Variants in ERC2 observed in about 807,000 individuals in gnomAD.
The protein encoded by ERC2 is ERC protein 2.
ERC2 carries 42 observed loss-of-function variants against 114.8 expected under a neutral mutation model. The ratio of observed to expected loss-of-function variants is 0.37; its 90% CI spans 0.29 to 0.47. The LOEUF is 0.47. ERC2 is among the 20% of genes least tolerant of loss of function. The pLI, the probability that ERC2 is intolerant of heterozygous loss-of-function variation, is 0.99. For missense variants in ERC2, 939 were observed against 1,150.7 expected, an observed-to-expected ratio of 0.82 and a Z score of 2.66; for synonymous variants, 454 against 425.5, an observed-to-expected ratio of 1.07 and a Z score of -0.82.
chr3:55,833,385 A>T (rs1178314070), intron 14 of ERC2, among the ~76,000 whole-genome samples: 2 of 151,264 alleles, frequency 1.3e-5, no homozygotes, highest in Non-Finnish European at 2.9e-5. Flanking sequence ...CACAAAGGGA[A>T]TCCCATCAGA....
intron 3 of ERC2, among the ~76,000 whole-genome samples, chr3:56,255,051 TCCATC>T (rs1199977726): frequency 6.6e-6 from 1 of 152,250 alleles, no homozygotes; most frequent in Non-Finnish European, 1.5e-5. Flanking sequence ...AATTCTTATT[TCCATC>T]CCCTAGTGGA....
At chr3:55,905,201 C>T (rs1483845743) in intron 13 of ERC2, among the ~76,000 whole-genome samples, 2 of 152,182 alleles carry the variant, frequency 1.3e-5, no homozygotes, top group East Asian at 3.9e-4. Context: ...CTGCCTCAGC[C>T]TCCTGAGTAG....
intron 17 of ERC2, among the ~76,000 whole-genome samples, chr3:55,651,653 C>T (rs1460395734): frequency 6.6e-6 from 1 of 152,206 alleles, no homozygotes; most frequent in Non-Finnish European, 1.5e-5. Context: ...CTCAGTCTTT[C>T]ATATTCTCCC....
intron 13 of ERC2, among the ~76,000 whole-genome samples, chr3:55,901,434 G>C (rs934517365): frequency 6.6e-6 from 1 of 152,138 alleles, no homozygotes; most frequent in Admixed American, 6.6e-5. Context: ...GGAGTTGAAA[G>C]ATTATTCAAT....
intron 2 of ERC2, among the ~76,000 whole-genome samples, chr3:56,354,469 T>G (rs936953149): frequency 6.6e-6 from 1 of 152,126 alleles, no homozygotes; most frequent in African/African-American, 2.4e-5. Flanking sequence ...ATCTAGTAGG[T>G]AGAGGCCAGG....
At chr3:55,828,979 A>C (rs1343155117) in intron 14 of ERC2, among the ~76,000 whole-genome samples, 2 of 152,050 alleles carry the variant, frequency 1.3e-5, no homozygotes. Flanking sequence ...CTCTATAAAA[A>C]AATTAGCTGA....
At chr3:56,116,671 C>T (rs2079256667) in intron 6 of ERC2, among the ~76,000 whole-genome samples, 1 of 152,174 alleles carries the variant, frequency 6.6e-6, no homozygotes. Context: ...CATGCTGTGC[C>T]CTCAACCTGG....
intron 14 of ERC2, among the ~76,000 whole-genome samples, chr3:55,821,952 A>T (rs1380585647): frequency 1.3e-5 from 2 of 152,334 alleles, no homozygotes; most frequent in Middle Eastern, 3.4e-3. Flanking sequence ...TGTTCATGCT[A>T]TGCTCCCAGC....
chr3:55,819,337 G>A (rs1358701001), intron 14 of ERC2, among the ~76,000 whole-genome samples: 2 of 152,296 alleles, frequency 1.3e-5, no homozygotes, highest in Non-Finnish European at 1.5e-5. Context: ...TTGATTAGCA[G>A]CCACTGAATT....
At chr3:55,884,663 T>C (rs762974369) in intron 14 of ERC2, among the ~76,000 whole-genome samples, 1 of 152,048 alleles carries the variant, frequency 6.6e-6, no homozygotes, top group Non-Finnish European at 1.5e-5. Context: ...TGGCCTGCCA[T>C]GGGAATGGTA....
chr3:55,843,682 A>G (rs2061232144), intron 14 of ERC2, among the ~76,000 whole-genome samples: 1 of 152,244 alleles, frequency 6.6e-6, no homozygotes, highest in Non-Finnish European at 1.5e-5. Context: ...GGACTTTCCA[A>G]TGCTGAAAAG....
chr3:55,988,269 ACT>A (rs2070786927), intron 11 of ERC2, among the ~76,000 whole-genome samples: 1 of 151,990 alleles, frequency 6.6e-6, no homozygotes, highest in Non-Finnish European at 1.5e-5. Flanking sequence ...ATTTGGACCA[ACT>A]CTCAGAGACT....
chr3:56,161,754 C>T (rs541862393), intron 4 of ERC2, among the ~76,000 whole-genome samples: 149 of 152,210 alleles, frequency 9.8e-4, no homozygotes, highest in Non-Finnish European at 1.9e-3. Context: ...ATTTTGTATC[C>T]TGAAACTTTA....
chr3:55,655,739 A>C (rs2060830397), intron 17 of ERC2, among the ~76,000 whole-genome samples: 1 of 152,118 alleles, frequency 6.6e-6, no homozygotes, highest in Non-Finnish European at 1.5e-5. Flanking sequence ...TGTATGGAAC[A>C]CTCAGGCCTA....
intron 14 of ERC2, among the ~76,000 whole-genome samples, chr3:55,785,544 C>T (rs1336141279): frequency 6.6e-6 from 1 of 152,208 alleles, no homozygotes; most frequent in Non-Finnish European, 1.5e-5. Context: ...CTGCATTCCT[C>T]AACCTCAACT....
intron 2 of ERC2, among the ~76,000 whole-genome samples, chr3:56,399,520 A>T (rs2060441839): frequency 6.6e-6 from 1 of 152,224 alleles, no homozygotes; most frequent in Non-Finnish European, 1.5e-5. Context: ...TTAAAAAATT[A>T]AAACTTCACT....
At chr3:56,187,873 T>C (rs559955030) in intron 3 of ERC2, among the ~76,000 whole-genome samples, 73 of 152,236 alleles carry the variant, frequency 4.8e-4, no homozygotes, top group African/African-American at 1.7e-3. Context: ...TAAGACATTG[T>C]ATCTTCCCCT....
intron 13 of ERC2, among the ~76,000 whole-genome samples, chr3:55,905,111 C>T (rs1167296324): frequency 1.3e-5 from 2 of 152,192 alleles, no homozygotes; most frequent in African/African-American, 4.8e-5. Flanking sequence ...GACAGAGTCT[C>T]ACTCTGTTGC....
chr3:56,156,481 G>A (rs921299413), intron 4 of ERC2, among the ~76,000 whole-genome samples: 1 of 152,120 alleles, frequency 6.6e-6, no homozygotes, highest in Non-Finnish European at 1.5e-5. Flanking sequence ...AACCAGGTCT[G>A]GGAAGTCACT....
Sources: allele counts gnomAD v4.1 joint callset (sites outside exome capture counted in the v4.1 genomes callset), GRCh38; gene constraint gnomAD v4.1.1; transcripts MANE v1.5; gene names NCBI Gene and HGNC (gene_info 2026-07-23, HGNC 2026-07-21).